The following DHDDS variants were observed in gnomAD, a reference collection of about 807,000 sequenced individuals.
The protein encoded by DHDDS is dehydrodolichyl diphosphate synthase complex subunit DHDDS.
In DHDDS, 16 loss-of-function variants were observed where a neutral mutation model predicts 46.2. The observed-to-expected ratio is 0.35, with a 90% CI of 0.23 to 0.53. The LOEUF is 0.53. DHDDS is among the 20% of genes least tolerant of loss of function. DHDDS has a pLI of 0.94. For synonymous variants in DHDDS, 151 were observed against 163.1 expected (o/e 0.93, Z 0.56); for missense variants, 340 against 423.7 (o/e 0.80, Z 1.73).
intron 6 of DHDDS, 71 bp from the exon 7 acceptor site, chr1:26,457,720 C>T (rs2075384078): frequency 2.5e-6 from 3 of 1,211,166 alleles, no homozygotes; most frequent in Non-Finnish European, 3.7e-6. Context: ...TGGAAGTTCA[C>T]CATGAGAACA....
In DHDDS at chr1:26,469,905, C is replaced by A; in HGVS notation, c.*774C>A. On this transcript the variant is annotated 3_prime_UTR_variant, in exon 9 of 9. Transcript: ENST00000236342. ...TCAGGGTAACAGAAGGGCCTGTAGG[C>A]CCTGGTGAACTGAATCCAGCACAGG... is the stretch of plus-strand genomic sequence containing the variant. 6.5e-6 allele frequency: 1 copy of A among 154,582 alleles called. No individual in the cohort carries two copies. The highest frequency in any genetic ancestry group is 2.0e-4 in the South Asian group (1 of 4,964). 9.6% of individuals were successfully genotyped at this position (154,582 alleles called of 1,614,324 possible).
intron 8 of DHDDS, among the ~76,000 whole-genome samples, chr1:26,462,471 C>T (rs2075433882): frequency 6.6e-6 from 1 of 152,150 alleles, no homozygotes; most frequent in Non-Finnish European, 1.5e-5. Flanking sequence ...TCTGTGTCCT[C>T]CCTCTTTCAT....
At chr1:26,467,787 A>G (rs975467603) in intron 8 of DHDDS, among the ~76,000 whole-genome samples, 4 of 152,210 alleles carry the variant, frequency 2.6e-5, no homozygotes, top group African/African-American at 9.6e-5. Context: ...CACACATGGA[A>G]TAGGTTTGGC....
chr1:26,434,843 T>C, intron 2 of DHDDS, among the ~76,000 whole-genome samples: 1 of 140,854 alleles, frequency 7.1e-6, no homozygotes, highest in East Asian at 2.1e-4. Context: ...TTTTTTTTAG[T>C]AGAGTTGGGG....
Position 26,469,463 on chromosome 1 carries a change from CAG to C in DHDDS, c.*334_*335del. 2.3e-6 allele frequency: 1 copy of C among 428,616 alleles called. No homozygotes were observed. 26.6% of individuals were successfully genotyped at this position (428,616 alleles called of 1,614,324 possible). ...TTCCACCAGCACATCCTTCAACACA[CAG>C]AATTTCAGGGAAGAGTTCTCCCCAA... On this transcript the variant is annotated 3_prime_UTR_variant, in exon 9 of 9. Transcript: ENST00000236342.
intron 8 of DHDDS, among the ~76,000 whole-genome samples, chr1:26,463,737 C>T (rs2075449845): frequency 6.6e-6 from 1 of 152,056 alleles, no homozygotes; most frequent in South Asian, 2.1e-4. Context: ...AACCCCCGAC[C>T]TCAGGTGATC....
At chr1:26,458,375 T>C (rs1391485771) in intron 7 of DHDDS, among the ~76,000 whole-genome samples, 1 of 152,246 alleles carries the variant, frequency 6.6e-6, no homozygotes, top group Non-Finnish European at 1.5e-5. Flanking sequence ...GTCCTTGTTC[T>C]GGGAGAGACT....
chr1:26,468,663 G>T (rs557041415), intron 8 of DHDDS, among the ~76,000 whole-genome samples: 2 of 152,066 alleles, frequency 1.3e-5, no homozygotes, highest in Non-Finnish European at 2.9e-5. Flanking sequence ...AAGTACAGAC[G>T]CTTCCACACA....
At chr1:26,449,645 G>A (rs897758471) in intron 6 of DHDDS, among the ~76,000 whole-genome samples, 3 of 151,936 alleles carry the variant, frequency 2.0e-5, no homozygotes, top group African/African-American at 4.8e-5. Context: ...TGCAACCTCC[G>A]CCTCCTGGGC....
chr1:26,443,575 C>G (rs2124409566), intron 4 of DHDDS, among the ~76,000 whole-genome samples: 1 of 152,284 alleles, frequency 6.6e-6, no homozygotes. Flanking sequence ...GCCAGAATTG[C>G]CCGAAAGTCT....
At chr1:26,441,500 A>C (rs1335161200) in intron 3 of DHDDS, among the ~76,000 whole-genome samples, 1 of 151,974 alleles carries the variant, frequency 6.6e-6, no homozygotes, top group Admixed American at 6.6e-5. Context: ...ACACCCAGCC[A>C]GTTTCATTTC....
intron 4 of DHDDS, 55 bp from the exon 5 acceptor site, chr1:26,446,261 C>G: frequency 6.5e-7 from 1 of 1,550,110 alleles, no homozygotes; most frequent in Non-Finnish European, 8.9e-7. Flanking sequence ...GAGCACCTTG[C>G]TCTCTCCAGC....
chr1:26,451,404 A>ATGTGTGTGTGTGTGTGTG (rs35376620), intron 6 of DHDDS, among the ~76,000 whole-genome samples: 3 of 135,954 alleles, frequency 2.2e-5, no homozygotes, highest in Admixed American at 7.3e-5. Flanking sequence ...ATGTATGTAG[A>ATGTGTGTGTGTGTGTGTG]TGTGTGTGTG....
intron 7 of DHDDS, among the ~76,000 whole-genome samples, chr1:26,459,261 G>A (rs1005745509): frequency 2.0e-5 from 3 of 152,156 alleles, no homozygotes; most frequent in Non-Finnish European, 4.4e-5. Context: ...AAGTTGTAGG[G>A]AAGGTGACAT....
intron 2 of DHDDS, among the ~76,000 whole-genome samples, chr1:26,437,694 T>C (rs2075174223): frequency 6.6e-6 from 1 of 151,368 alleles, no homozygotes; most frequent in East Asian, 1.9e-4. Flanking sequence ...CAGGCTGGTC[T>C]CGAATGCCTG....
chr1:26,464,981 G>C (rs1426373500), intron 8 of DHDDS, among the ~76,000 whole-genome samples: 1 of 152,174 alleles, frequency 6.6e-6, no homozygotes, highest in Non-Finnish European at 1.5e-5. Context: ...ACAGTCTCCA[G>C]GTGGTCACCT....
chr1:26,469,489 A>C lies in DHDDS; in HGVS notation c.*358A>C. On this transcript the variant is annotated 3_prime_UTR_variant, in exon 9 of 9. Coordinates refer to ENST00000236342, the MANE Select transcript of DHDDS (RefSeq NM_205861.3). ...AGAATTTCAGGGAAGAGTTCTCCCC[A>C]AAACCCTAGCTCTTTACCCTTCCAT... 2.6e-6 allele frequency: 1 copy of C among 387,360 alleles called. No homozygotes were observed. The highest frequency in any genetic ancestry group is 4.9e-6 in the Non-Finnish European group (1 of 202,836). 24.0% of individuals were successfully genotyped at this position (387,360 alleles called of 1,614,324 possible). A position where few individuals can be genotyped will look rare whatever the true frequency, so the allele number is the denominator to read the frequency against.
intron 2 of DHDDS, among the ~76,000 whole-genome samples, chr1:26,436,897 G>A (rs898756774): frequency 6.6e-6 from 1 of 152,028 alleles, no homozygotes; most frequent in African/African-American, 2.4e-5. Context: ...TGGGCCGGGC[G>A]TGCTGGCTCA....
chr1:26,461,318 C>T (rs978670743), intron 8 of DHDDS, among the ~76,000 whole-genome samples: 7 of 151,996 alleles, frequency 4.6e-5, no homozygotes, highest in East Asian at 1.9e-4. Context: ...CTAGAAAAAT[C>T]GCAGATCACT....
Sources: allele counts gnomAD v4.1 joint callset (sites outside exome capture counted in the v4.1 genomes callset), GRCh38; gene constraint gnomAD v4.1.1; transcripts MANE v1.5; gene names NCBI Gene and HGNC (gene_info 2026-07-23, HGNC 2026-07-21).